Variants in CNTN5 observed in about 807,000 individuals in gnomAD.
CNTN5 encodes contactin 5, also known as contactin-5.
In CNTN5, 77 loss-of-function variants were observed where a neutral mutation model predicts 129.1. The observed-to-expected ratio is 0.60, with a 90% CI of 0.50 to 0.72. The LOEUF is 0.72. Ranked by LOEUF, CNTN5 falls within the 30% of genes least tolerant of loss-of-function variation. CNTN5 has a pLI of 0.00. For missense variants in CNTN5, 1,478 were observed against 1,328.8 expected, an observed-to-expected ratio of 1.11 and a Z score of -1.75; for synonymous variants, 509 against 465.6, an observed-to-expected ratio of 1.09 and a Z score of -1.20.
At chr11:99,462,350 C>CT (rs1565202161) in intron 2 of CNTN5, among the ~76,000 whole-genome samples, 2 of 109,540 alleles carry the variant, frequency 1.8e-5, no homozygotes, top group South Asian at 6.3e-4. Flanking sequence ...TTCTTTTTTT[C>CT]TTTTCTTTTC....
At chr11:100,242,231 G>T (rs1315210433) in intron 16 of CNTN5, among the ~76,000 whole-genome samples, 2 of 151,978 alleles carry the variant, frequency 1.3e-5, no homozygotes, top group Non-Finnish European at 2.9e-5. Context: ...GAAAACTCTT[G>T]CCCATATTGT....
chr11:99,701,381 T>C lies in CNTN5; in HGVS notation c.56-118163T>C, dbSNP rs536220892. Among the ~76,000 whole-genome samples, 9 of 151,352 alleles carry C rather than the reference T, an allele frequency of 5.9e-5. No individual in the cohort carries two copies. The South Asian group carries it at 1.9e-3, about 31-fold the overall frequency. On this transcript the variant is annotated intron_variant, in intron 3 of 24. Coordinates refer to ENST00000524871, the MANE Select transcript of CNTN5 (RefSeq NM_014361.4). Reference sequence around the variant, plus strand: ...AAGAGATTATTGATATAACCATCTATTTTTTCAATAGGTAATAGAATACAA... The same window carrying C: ...AAGAGATTATTGATATAACCATCTACTTTTTCAATAGGTAATAGAATACAA...
chr11:99,187,754 T>C (rs1160473894), intron 1 of CNTN5, among the ~76,000 whole-genome samples: 1 of 151,876 alleles, frequency 6.6e-6, no homozygotes, highest in African/African-American at 2.4e-5. Context: ...GATATCACTA[T>C]GCTAATATTT....
At chr11:99,433,371 ATGTG>A (rs1555143806) in intron 2 of CNTN5, among the ~76,000 whole-genome samples, 14 of 140,904 alleles carry the variant, frequency 9.9e-5, no homozygotes, top group African/African-American at 3.2e-4. Flanking sequence ...TAAAAAAAAA[ATGTG>A]TGTGTGTGTG....
At chr11:99,521,399 T>G (rs1056755723) in intron 2 of CNTN5, among the ~76,000 whole-genome samples, 1 of 152,246 alleles carries the variant, frequency 6.6e-6, no homozygotes, top group East Asian at 1.9e-4. Flanking sequence ...CTTTTTAAGT[T>G]TGATACCAAA....
rs1013861439 is a variant in CNTN5 at position 99,664,457 on chromosome 11, G to T, written c.55+108188G>T. Reference sequence around the variant, plus strand: ...AAGGCCGTGCTTTAGGGGCAAGGGTGCAAGGAAAACCTGGACCAGAGTTTT... The same window carrying T: ...AAGGCCGTGCTTTAGGGGCAAGGGTTCAAGGAAAACCTGGACCAGAGTTTT... On this transcript the variant is annotated intron_variant, in intron 3 of 24. Transcript: ENST00000524871. Among the ~76,000 whole-genome samples, 10 of 152,224 alleles carry T rather than the reference G, an allele frequency of 6.6e-5. No individual in the cohort carries two copies. The South Asian group carries it at 2.1e-3, about 32-fold the overall frequency.
intron 13 of CNTN5, among the ~76,000 whole-genome samples, chr11:100,077,738 G>A (rs1266750842): frequency 6.6e-6 from 1 of 152,054 alleles, no homozygotes; most frequent in Non-Finnish European, 1.5e-5. Context: ...AGCTACTCAA[G>A]AGGCTGAGGT....
chr11:100,265,637 A>G (rs946489588), intron 17 of CNTN5, among the ~76,000 whole-genome samples: 6 of 152,296 alleles, frequency 3.9e-5, no homozygotes, highest in African/African-American at 1.2e-4. Context: ...AAATATACCA[A>G]AATGAGCATA....
At chr11:100,182,245 T>C (rs7130695) in intron 13 of CNTN5, among the ~76,000 whole-genome samples, 17,406 of 152,060 alleles carry the variant, frequency 0.11, 1,243 homozygotes, top group Non-Finnish European at 0.16. Context: ...TACTGCAGCC[T>C]GGTTGCTTAC....
At chr11:99,107,214 C>A (rs375779371) in intron 1 of CNTN5, among the ~76,000 whole-genome samples, 74 of 152,172 alleles carry the variant, frequency 4.9e-4, no homozygotes, top group African/African-American at 1.3e-3. Flanking sequence ...TATGTTACAA[C>A]CTTGTTTAAC....
chr11:99,803,857 G>C (rs1406179817), intron 3 of CNTN5, among the ~76,000 whole-genome samples: 1 of 152,136 alleles, frequency 6.6e-6, no homozygotes, highest in Non-Finnish European at 1.5e-5. Flanking sequence ...TTTTCTGGTG[G>C]ATTTCTGTTT....
chr11:99,241,646 T>A (rs1861566078), intron 1 of CNTN5, among the ~76,000 whole-genome samples: 1 of 152,162 alleles, frequency 6.6e-6, no homozygotes, highest in Non-Finnish European at 1.5e-5. Flanking sequence ...GTTTTCATTT[T>A]TCCCTGTGTC....
At chr11:100,315,511 T>C (rs1234652782) in intron 21 of CNTN5, among the ~76,000 whole-genome samples, 1 of 152,128 alleles carries the variant, frequency 6.6e-6, no homozygotes, top group Non-Finnish European at 1.5e-5. Flanking sequence ...TTGAGGACAA[T>C]TTAGCAATTT....
chr11:99,191,633 T>C lies in CNTN5; in HGVS notation c.-209-133713T>C, dbSNP rs1216594917. Among the ~76,000 whole-genome samples, 3 of 151,772 alleles carry C rather than the reference T, an allele frequency of 2.0e-5. 1 individual carries two copies. The highest frequency in any genetic ancestry group is 4.4e-5 in the Non-Finnish European group (3 of 67,776). On this transcript the variant is annotated intron_variant, in intron 1 of 24. Coordinates refer to ENST00000524871, the MANE Select transcript of CNTN5 (RefSeq NM_014361.4). Reference sequence around the variant, plus strand: ...TATCAAGTATCTTTCCTGATGACAATATGAAACTAGAAATCAATAATAGAA... The same window carrying C: ...TATCAAGTATCTTTCCTGATGACAACATGAAACTAGAAATCAATAATAGAA...
intron 3 of CNTN5, among the ~76,000 whole-genome samples, chr11:99,674,753 A>G (rs1433347731): frequency 6.6e-6 from 1 of 152,198 alleles, no homozygotes; most frequent in African/African-American, 2.4e-5. Flanking sequence ...AATTCAGATA[A>G]GATGCTTTCT....
At chr11:99,415,572 C>T (rs528192127) in intron 2 of CNTN5, among the ~76,000 whole-genome samples, 109 of 152,104 alleles carry the variant, frequency 7.2e-4, no homozygotes, top group Non-Finnish European at 1.3e-3. Flanking sequence ...CTGTCTTTGA[C>T]GAAAGGGAGT....
chr11:99,384,161 G>A (rs937745303), intron 2 of CNTN5, among the ~76,000 whole-genome samples: 1 of 152,098 alleles, frequency 6.6e-6, no homozygotes, highest in Admixed American at 6.6e-5. Flanking sequence ...ACAAGGCAAA[G>A]CTATAAAGTG....
At chr11:99,021,891 T>C (rs1023751581) in intron 1 of CNTN5, among the ~76,000 whole-genome samples, 6 of 152,200 alleles carry the variant, frequency 3.9e-5, no homozygotes, top group Non-Finnish European at 8.8e-5. Flanking sequence ...TGTAGGGAGA[T>C]ATACGGAAGA....
At chr11:99,425,368 T>C (rs1223802388) in intron 2 of CNTN5, among the ~76,000 whole-genome samples, 1 of 152,212 alleles carries the variant, frequency 6.6e-6, no homozygotes, top group Non-Finnish European at 1.5e-5. Flanking sequence ...CAGGAACCTG[T>C]CTGTCTCCTG....
Sources: allele counts gnomAD v4.1 joint callset (sites outside exome capture counted in the v4.1 genomes callset), GRCh38; gene constraint gnomAD v4.1.1; transcripts MANE v1.5; gene names NCBI Gene and HGNC (gene_info 2026-07-23, HGNC 2026-07-21).